The following SMCO4 variants were observed in gnomAD, a reference collection of about 807,000 sequenced individuals.
SMCO4 encodes the protein single-pass membrane protein with coiled-coil domains 4.
Under a neutral mutation model 3.6 loss-of-function variants are expected in SMCO4, and 4 were observed. That is an observed-to-expected ratio of 1.11 (90% CI 0.54 to 2.53). The LOEUF (loss-of-function observed/expected upper bound fraction) is 2.53. Among genes scored for constraint, SMCO4 ranks in the 30% most tolerant of loss-of-function variants. The pLI is 0.02. For missense variants in SMCO4, 70 were observed against 80.8 expected (o/e 0.87, Z 0.51); for synonymous variants, 36 against 35.3 (o/e 1.02, Z -0.07).
At chr11:93,535,713 T>G (rs758472905) in intron 1 of SMCO4, 1 of 1,613,828 alleles carries the variant, frequency 6.2e-7, no homozygotes, top group Non-Finnish European at 8.5e-7. Context: ...TTCAGATGGC[T>G]TATTCAAACC....
chr11:93,534,404 A>G (rs1033314756), intron 1 of SMCO4, among the ~76,000 whole-genome samples: 2 of 149,280 alleles, frequency 1.3e-5, no homozygotes, highest in Non-Finnish European at 3.0e-5. Context: ...AGATACATAT[A>G]TATATGGAAA....
chr11:93,505,442 T>C (rs1286136999), intron 1 of SMCO4, among the ~76,000 whole-genome samples: 2 of 152,192 alleles, frequency 1.3e-5, no homozygotes, highest in African/African-American at 2.4e-5. Flanking sequence ...GAAGTACTCA[T>C]TACATATTTG....
chr11:93,499,528 CACTG>C (rs1948814252), intron 1 of SMCO4, among the ~76,000 whole-genome samples, 180 bp from the exon 2 acceptor site: 1 of 152,202 alleles, frequency 6.6e-6, no homozygotes, highest in Admixed American at 6.5e-5. Context: ...CAGACAGATA[CACTG>C]GCACATGTGT....
intron 1 of SMCO4, among the ~76,000 whole-genome samples, chr11:93,523,148 A>G (rs1465488076): frequency 6.6e-6 from 1 of 152,170 alleles, no homozygotes; most frequent in Non-Finnish European, 1.5e-5. Context: ...CAAAAATGTA[A>G]GAGCTGGCCA....
chr11:93,553,388 A>G, the SMCO4 span, among the ~76,000 whole-genome samples: 1 of 152,308 alleles, frequency 6.6e-6, no homozygotes, highest in African/African-American at 2.4e-5. Context: ...AGGAGTTCTT[A>G]ATAAGTCTGT....
intron 1 of SMCO4, among the ~76,000 whole-genome samples, chr11:93,525,805 A>G (rs1032037570): frequency 2.6e-5 from 4 of 152,204 alleles, no homozygotes; most frequent in African/African-American, 9.7e-5. Flanking sequence ...AGACAGGGCC[A>G]CTGACTTCAG....
chr11:93,489,901 A>G (rs1361164107), intron 2 of SMCO4, among the ~76,000 whole-genome samples: 1 of 152,056 alleles, frequency 6.6e-6, no homozygotes, highest in Non-Finnish European at 1.5e-5. Flanking sequence ...AGTTGGAGGT[A>G]TTGTCACATC....
intron 1 of SMCO4, among the ~76,000 whole-genome samples, chr11:93,522,967 G>C (rs1446478779): frequency 6.6e-6 from 1 of 152,080 alleles, no homozygotes; most frequent in Non-Finnish European, 1.5e-5. Flanking sequence ...TAAGAGAATT[G>C]CTCAAGATCA....
chr11:93,481,389 T>G, intron 2 of SMCO4: 24 of 979,122 alleles, frequency 2.5e-5, no homozygotes, highest in Non-Finnish European at 2.5e-5. Flanking sequence ...ACGGGTGCAC[T>G]GAGCTCCTCT....
At chr11:93,528,291 A>G (rs975304972) in intron 1 of SMCO4, among the ~76,000 whole-genome samples, 1 of 152,194 alleles carries the variant, frequency 6.6e-6, no homozygotes, top group Non-Finnish European at 1.5e-5. Flanking sequence ...AAAACTTCTC[A>G]CAACATCATC....
At chr11:93,501,811 A>G (rs1490381370) in intron 1 of SMCO4, among the ~76,000 whole-genome samples, 3 of 152,064 alleles carry the variant, frequency 2.0e-5, no homozygotes, top group Non-Finnish European at 2.9e-5. Flanking sequence ...CCTGCTGCAC[A>G]TGGTGTATAC....
At chr11:93,537,855 C>A (rs950310265) in intron 1 of SMCO4, 2 of 152,016 alleles carry the variant, frequency 1.3e-5, no homozygotes, top group East Asian at 2.0e-4. Context: ...CCGGCAGAGA[C>A]AGCTTGTTGC....
At position 93,535,739 on chromosome 11, in the gene SMCO4, T is replaced by C. The variant is rs1278884662; in HGVS notation, c.-154+7537A>G. 4.3e-6 allele frequency: 7 copies of C among 1,612,754 alleles called. No individual in the cohort carries two copies. The South Asian group carries it at 4.4e-5, about 10-fold the overall frequency. Reference sequence around the variant, plus strand: ...TATTCAAACCTCCTGAGAGCTAACATGGATGGGCTGAAGAAGAGAGACAAA... The same window carrying C: ...TATTCAAACCTCCTGAGAGCTAACACGGATGGGCTGAAGAAGAGAGACAAA... On this transcript the variant is annotated intron_variant, in intron 1 of 2. Coordinates refer to ENST00000298966, the MANE Select transcript of SMCO4 (RefSeq NM_020179.3).
At chr11:93,479,484 A>C (rs1948565898) in intron 2 of SMCO4, among the ~76,000 whole-genome samples, 1 of 152,196 alleles carries the variant, frequency 6.6e-6, no homozygotes, top group African/African-American at 2.4e-5. Context: ...CCTCCGCTCC[A>C]GCGCCAGCTG....
At chr11:93,493,090 G>A (rs1306819228) in intron 2 of SMCO4, among the ~76,000 whole-genome samples, 2 of 152,162 alleles carry the variant, frequency 1.3e-5, no homozygotes, top group Non-Finnish European at 2.9e-5. Context: ...TAATTTAAAT[G>A]TCCTCCTTTT....
chr11:93,544,768 A>G (rs1442087784), upstream of SMCO4, among the ~76,000 whole-genome samples: 3 of 152,162 alleles, frequency 2.0e-5, no homozygotes, highest in African/African-American at 7.2e-5. Flanking sequence ...TCAACGGTAA[A>G]CTGTGGAGAA....
At chr11:93,531,065 C>A (rs923254628) in intron 1 of SMCO4, among the ~76,000 whole-genome samples, 1 of 152,162 alleles carries the variant, frequency 6.6e-6, no homozygotes. Context: ...GACTTTTGGC[C>A]AAAGATTATT....
chr11:93,508,000 A>G (rs11020390), intron 1 of SMCO4, among the ~76,000 whole-genome samples: 26,326 of 152,192 alleles, frequency 0.17, 2,363 homozygotes, highest in African/African-American at 0.2. Flanking sequence ...GCTACTTTAT[A>G]TTATCATATA....
At chr11:93,539,957 T>TA (rs1565392419) in intron 1 of SMCO4, among the ~76,000 whole-genome samples, 57 of 148,548 alleles carry the variant, frequency 3.8e-4, no homozygotes, top group African/African-American at 1.3e-3. Context: ...CAAAATTAAT[T>TA]TAAAAAAAAA....
Sources: gnomAD v4.1 joint callset for allele counts (sites outside exome capture counted in the v4.1 genomes callset) on GRCh38, gnomAD v4.1.1 for gene constraint, MANE v1.5 for transcripts, NCBI Gene and HGNC (gene_info 2026-07-23, HGNC 2026-07-21) for gene names.